GPR62: variants seen among roughly 807,000 people sequenced by gnomAD.
The protein encoded by GPR62 is G-protein coupled receptor GPCR8.
For synonymous variants in GPR62, 280 were observed against 286.9 expected, an observed-to-expected ratio of 0.98 and a Z score of 0.24; for missense variants, 513 against 541.5, an observed-to-expected ratio of 0.95 and a Z score of 0.52.
Position 51,955,554 on chromosome 3 carries a change from A to C in GPR62, c.-99A>C, listed in dbSNP as rs1699823288. On this transcript the variant is annotated 5_prime_UTR_variant, in exon 1 of 1. Transcript: ENST00000322241. Reference sequence around the variant, plus strand: ...AATGAGGTGAGGGGCCGGAGGAGCAAGGGACAAGAGGAGCAGAGGACAGGT... The same window carrying C: ...AATGAGGTGAGGGGCCGGAGGAGCACGGGACAAGAGGAGCAGAGGACAGGT... 3.7e-6 allele frequency: 4 copies of C among 1,069,008 alleles called. No individual in the cohort carries two copies. The South Asian group carries it at 5.2e-5, about 14-fold the overall frequency. 66.2% of individuals were successfully genotyped at this position (1,069,008 alleles called of 1,614,324 possible). A position where few individuals can be genotyped will look rare whatever the true frequency, so the allele number is the denominator to read the frequency against.
At position 51,956,046 on chromosome 3, in the gene GPR62, G is replaced by T; in HGVS notation, c.394G>T (p.Val132Leu). 1 of 1,432,202 alleles carries T rather than the reference G, an allele frequency of 7.0e-7. No homozygotes were observed. The highest frequency in any genetic ancestry group is 1.4e-5 in the South Asian group (1 of 73,650). 88.7% of individuals were successfully genotyped at this position (1,432,202 alleles called of 1,614,324 possible). ...RPGSRPPPVL[V>L]LTAVWAAAGL... ...AGGCTCGCGGCCGCCGCCTGTGCTC[G>T]TGCTCACCGCCGTGTGGGCCGCGGC... Residue 132 changes from valine (V) to leucine (L), a missense_variant, in exon 1 of 1, where the codon GTG (valine) becomes TTG (leucine). By Grantham distance (32) the Val-to-Leu change is conservative (BLOSUM62 1). Transcript: ENST00000322241.
At position 51,957,485 on chromosome 3, in the gene GPR62, CAG is replaced by C. The variant is rs1383326503; in HGVS notation, c.*727_*728del. ...GTCGCTGAGAATATTTATTCAAAAA[CAG>C]GGATTGAAAAAACTGTACAGAGTGT... On this transcript the variant is annotated 3_prime_UTR_variant, in exon 1 of 1. Transcript: ENST00000322241. 10 of 167,046 alleles carry C rather than the reference CAG, an allele frequency of 6.0e-5. No homozygotes were observed. In the Admixed American group the frequency reaches 6.5e-4, roughly 11 times the overall value. 10.3% of individuals were successfully genotyped at this position (167,046 alleles called of 1,614,324 possible).
rs1468200148 is a variant in GPR62, at chr3:51,956,278, C to G, written c.626C>G (p.Pro209Arg). Residue 209 changes from proline to arginine, a missense_variant, in exon 1 of 1, where the codon CCG becomes CGG. Physicochemically the swap from Pro to Arg is moderately radical, Grantham distance 103. Coordinates refer to ENST00000322241, the MANE Select transcript of GPR62 (RefSeq NM_080865.4). Reference protein sequence around the residue: ...ARRAALRPPRPARGSRLHSDS... With the variant: ...ARRAALRPPRRARGSRLHSDS... ...CGCGCTGCCCTGAGGCCCCCACGGC[C>G]GGCGCGCGGGTCCCGACTCCACTCG... is the stretch of plus-strand genomic sequence containing the variant. 2.6e-6 allele frequency: 4 copies of G among 1,564,476 alleles called. No individual in the cohort carries two copies. Among genetic ancestry groups the G allele is most frequent in the Non-Finnish European group, 3.4e-6 (4 of 1,166,708 alleles).
rs1699870665 is a variant in GPR62 at position 51,957,268 on chromosome 3, G to C, written c.*509G>C. 5.9e-6 allele frequency: 1 copy of C among 169,158 alleles called. No homozygotes were observed. The highest frequency in any genetic ancestry group is 1.4e-5 in the Non-Finnish European group (1 of 69,724). 10.5% of individuals were successfully genotyped at this position (169,158 alleles called of 1,614,324 possible). ...AAATGCCCAGAAGACAACTGGACCA[G>C]TTTGGTATTAGAAGTAGGAGGCTGG... On this transcript the variant is annotated 3_prime_UTR_variant, in exon 1 of 1. Transcript: ENST00000322241.
At position 51,955,507 on chromosome 3, in the gene GPR62, C is replaced by T. The variant is rs1699822672; in HGVS notation, c.-146C>T. On this transcript the variant is annotated 5_prime_UTR_variant, in exon 1 of 1. Transcript: ENST00000322241. ...CCCAAGAGGATGGCAGCCTGGGCGT[C>T]GGAGCCACCTCCTGGGCAGCCAATG... The T allele has an allele frequency of 1.0e-5, 7 of 679,660 alleles. No homozygotes were observed. Among genetic ancestry groups the T allele is most frequent in the Non-Finnish European group, 1.7e-5 (7 of 420,726 alleles). The allele number at this position is 679,660 out of a possible 1,614,324, so 42.1% of individuals were successfully genotyped here.
At position 51,955,502 on chromosome 3, in the gene GPR62, G is replaced by A. The variant is rs1309564293; in HGVS notation, c.-151G>A. 5 of 640,386 alleles carry A rather than the reference G, an allele frequency of 7.8e-6. No homozygotes were observed. The highest frequency in any genetic ancestry group is 1.3e-5 in the Non-Finnish European group (5 of 384,908). The allele number at this position is 640,386 out of a possible 1,614,324, so 39.7% of individuals were successfully genotyped here. Reference sequence around the variant, plus strand: ...AAGCCCCCAAGAGGATGGCAGCCTGGGCGTCGGAGCCACCTCCTGGGCAGC... The same window carrying A: ...AAGCCCCCAAGAGGATGGCAGCCTGAGCGTCGGAGCCACCTCCTGGGCAGC... On this transcript the variant is annotated 5_prime_UTR_variant, in exon 1 of 1. It introduces an in-frame stop codon into an upstream open reading frame of the 5' UTR. Coordinates refer to ENST00000322241, the MANE Select transcript of GPR62 (RefSeq NM_080865.4).
Position 51,955,938 on chromosome 3 carries a change from G to A in GPR62, c.286G>A (p.Ala96Thr). 7.2e-7 allele frequency: 1 copy of A among 1,395,272 alleles called. No individual in the cohort carries two copies. Among genetic ancestry groups the A allele is most frequent in the Non-Finnish European group, 9.3e-7 (1 of 1,072,956 alleles). The allele number at this position is 1,395,272 out of a possible 1,614,324, so 86.4% of individuals were successfully genotyped here. ...ATGCCGCGCCGCTCGCTTCCTCTCCGCCGCTCTGCTGCCGGCCTGCACGCT... is the reference window on the plus strand; with the variant it reads ...ATGCCGCGCCGCTCGCTTCCTCTCCACCGCTCTGCTGCCGGCCTGCACGCT... Reference protein sequence around the residue: ...APCRAARFLSAALLPACTLGV... With the variant: ...APCRAARFLSTALLPACTLGV... Residue 96 changes from alanine (A) to threonine (T), a missense_variant, in exon 1 of 1, where the codon GCC becomes ACC. Coordinates refer to ENST00000322241, the MANE Select transcript of GPR62 (RefSeq NM_080865.4).
Position 51,956,486 on chromosome 3 carries a change from C to T in GPR62, c.834C>T (p.Val278=), listed in dbSNP as rs565342512. 7.0e-6 allele frequency: 11 copies of T among 1,575,712 alleles called. No individual in the cohort carries two copies. Among genetic ancestry groups the T allele is most frequent in the Non-Finnish European group, 9.4e-6 (11 of 1,164,464 alleles). Reference sequence around the variant, plus strand: ...AAGCCGAAGCGGCTGTCACCTGGGTCGCCTACTCGGCCTTCGCGGCTCACC... The same window carrying T: ...AAGCCGAAGCGGCTGTCACCTGGGTTGCCTACTCGGCCTTCGCGGCTCACC... ...AAEAEAAVTW[V]AYSAFAAHPF... is the part of the protein sequence containing the mutation. The change falls in exon 1 of 1, where the codon GTC becomes GTT. Residue 278 remains valine (V), a synonymous_variant. Coordinates refer to ENST00000322241, the MANE Select transcript of GPR62 (RefSeq NM_080865.4).
chr3:51,955,399 G>A lies in GPR62; in HGVS notation c.-254G>A, dbSNP rs1559751017. 2 of 389,750 alleles carry A rather than the reference G, an allele frequency of 5.1e-6. No homozygotes were observed. The highest frequency in any genetic ancestry group is 4.6e-5 in the Admixed American group (1 of 21,510). 24.1% of individuals were successfully genotyped at this position (389,750 alleles called of 1,614,324 possible). ...GACAGCCAGTACCATCTCCGACAGGGGCTGAGTTGCTGGAGCTGGGCTGGG... is the reference window on the plus strand; with the variant it reads ...GACAGCCAGTACCATCTCCGACAGGAGCTGAGTTGCTGGAGCTGGGCTGGG... On this transcript the variant is annotated 5_prime_UTR_variant, in exon 1 of 1. Coordinates refer to ENST00000322241, the MANE Select transcript of GPR62 (RefSeq NM_080865.4).
Position 51,955,556 on chromosome 3 carries a change from G to T in GPR62, c.-97G>T. The T allele has an allele frequency of 2.7e-6, 3 of 1,095,318 alleles. No homozygotes were observed. Among genetic ancestry groups the T allele is most frequent in the South Asian group, 3.4e-5 (2 of 59,412 alleles). The allele number at this position is 1,095,318 out of a possible 1,614,324, so 67.8% of individuals were successfully genotyped here. On this transcript the variant is annotated 5_prime_UTR_variant, in exon 1 of 1. Transcript: ENST00000322241. ...TGAGGTGAGGGGCCGGAGGAGCAAG[G>T]GACAAGAGGAGCAGAGGACAGGTGA...
In GPR62 at chr3:51,955,522, G is replaced by A; in HGVS notation, c.-131G>A. The A allele has an allele frequency of 1.3e-6, 1 of 795,548 alleles. No individual in the cohort carries two copies. 49.3% of individuals were successfully genotyped at this position (795,548 alleles called of 1,614,324 possible). On this transcript the variant is annotated 5_prime_UTR_variant, in exon 1 of 1. Coordinates refer to ENST00000322241, the MANE Select transcript of GPR62 (RefSeq NM_080865.4). ...GCCTGGGCGTCGGAGCCACCTCCTG[G>A]GCAGCCAATGAGGTGAGGGGCCGGA...
rs1353980385 is a variant in GPR62 at position 51,956,453 on chromosome 3, G to A, written c.801G>A (p.Arg267=). The change falls in exon 1 of 1, where the codon CGG becomes CGA. Residue 267 remains arginine (R), a synonymous_variant. Coordinates refer to ENST00000322241, the MANE Select transcript of GPR62 (RefSeq NM_080865.4). ...YGCACLAPAA[R]AAEAEAAVTW... is the part of the protein sequence containing the mutation. ...GCGCGTGCCTGGCGCCCGCAGCGCGGGCCGCGGAAGCCGAAGCGGCTGTCA... is the reference window on the plus strand; with the variant it reads ...GCGCGTGCCTGGCGCCCGCAGCGCGAGCCGCGGAAGCCGAAGCGGCTGTCA... The A allele has an allele frequency of 3.9e-6, 6 of 1,534,296 alleles. No homozygotes were observed. Among genetic ancestry groups the A allele is most frequent in the East Asian group, 2.4e-5 (1 of 41,196 alleles).
Position 51,956,667 on chromosome 3 carries a change from G to A in GPR62, c.1015G>A (p.Val339Ile), listed in dbSNP as rs754464651. 1.9e-6 allele frequency: 3 copies of A among 1,613,084 alleles called. No homozygotes were observed. The highest frequency in any genetic ancestry group is 2.2e-5 in the East Asian group (1 of 44,882). Residue 339 changes from valine to isoleucine, a missense_variant, in exon 1 of 1, where the codon GTA (valine) becomes ATA (isoleucine). Coordinates refer to ENST00000322241, the MANE Select transcript of GPR62 (RefSeq NM_080865.4). The stretch of plus-strand genomic sequence containing the variant: ...CCAGAGACCCCCAGAGGGCCCTGCC[G>A]TAGGCCCTTCTGAGGCTCCAGAACA... ...CLQRPPEGPA[V>I]GPSEAPEQTP...
chr3:51,955,558 A>C lies in GPR62; in HGVS notation c.-95A>C. On this transcript the variant is annotated 5_prime_UTR_variant, in exon 1 of 1. Coordinates refer to ENST00000322241, the MANE Select transcript of GPR62 (RefSeq NM_080865.4). ...AGGTGAGGGGCCGGAGGAGCAAGGG[A>C]CAAGAGGAGCAGAGGACAGGTGATG... 9.1e-7 allele frequency: 1 copy of C among 1,103,752 alleles called. No homozygotes were observed. The highest frequency in any genetic ancestry group is 1.3e-6 in the Non-Finnish European group (1 of 790,202). 68.4% of individuals were successfully genotyped at this position (1,103,752 alleles called of 1,614,324 possible). A position where few individuals can be genotyped will look rare whatever the true frequency, so the allele number is the denominator to read the frequency against.
At position 51,955,549 on chromosome 3, in the gene GPR62, G is replaced by A; in HGVS notation, c.-104G>A. On this transcript the variant is annotated 5_prime_UTR_variant, in exon 1 of 1. Transcript: ENST00000322241. ...CAGCCAATGAGGTGAGGGGCCGGAG[G>A]AGCAAGGGACAAGAGGAGCAGAGGA... 2.9e-6 allele frequency: 3 copies of A among 1,030,602 alleles called. No individual in the cohort carries two copies. The South Asian group carries it at 5.3e-5, about 18-fold the overall frequency. The allele number at this position is 1,030,602 out of a possible 1,614,324, so 63.8% of individuals were successfully genotyped here.
Position 51,956,074 on chromosome 3 carries a change from G to T in GPR62, c.422G>T (p.Gly141Val). The T allele has an allele frequency of 7.0e-7, 1 of 1,424,648 alleles. No individual in the cohort carries two copies. Among genetic ancestry groups the T allele is most frequent in the Middle Eastern group, 2.5e-4 (1 of 3,998 alleles). 88.3% of individuals were successfully genotyped at this position (1,424,648 alleles called of 1,614,324 possible). The part of the protein sequence containing the change: ...LVLTAVWAAA[G>V]LLGALSLLGT... ...CTCACCGCCGTGTGGGCCGCGGCGG[G>T]ACTGCTGGGCGCGCTCTCCCTGCTC... Residue 141 changes from glycine (G) to valine (V), a missense_variant, in exon 1 of 1, where the codon GGA becomes GTA. Gly to Val is a moderately radical substitution (Grantham distance 109, BLOSUM62 -3). Coordinates refer to ENST00000322241, the MANE Select transcript of GPR62 (RefSeq NM_080865.4).
chr3:51,956,198 G>A lies in GPR62; in HGVS notation c.546G>A (p.Ala182=). The A allele has an allele frequency of 6.6e-7, 1 of 1,509,666 alleles. No individual in the cohort carries two copies. The highest frequency in any genetic ancestry group is 2.2e-5 in the Admixed American group (1 of 46,410). The allele number at this position is 1,509,666 out of a possible 1,614,324, so 93.5% of individuals were successfully genotyped here. The part of the protein sequence containing the change: ...FRPLWALLAF[A]LPALLLLGAY... ...CGCTCTGGGCCCTGCTGGCCTTCGC[G>A]CTGCCCGCCCTCCTGCTGCTCGGCG... Residue 182 remains alanine (A), a synonymous_variant, in exon 1 of 1, where the codon GCG becomes GCA. Transcript: ENST00000322241.
Position 51,956,830 on chromosome 3 carries a change from T to C in GPR62, c.*71T>C, listed in dbSNP as rs1169273083. ...GCACAGGTCACAGCAGGTGCCCTGC[T>C]GGATATCTGGGTCTGGAACAGGAGG... On this transcript the variant is annotated 3_prime_UTR_variant, in exon 1 of 1. Transcript: ENST00000322241. 2.7e-6 allele frequency: 4 copies of C among 1,493,784 alleles called. No homozygotes were observed. The highest frequency in any genetic ancestry group is 3.6e-6 in the Non-Finnish European group (4 of 1,121,454). 92.5% of individuals were successfully genotyped at this position (1,493,784 alleles called of 1,614,324 possible). A position where few individuals can be genotyped will look rare whatever the true frequency, so the allele number is the denominator to read the frequency against.
At position 51,956,470 on chromosome 3, in the gene GPR62, C is replaced by G; in HGVS notation, c.818C>G (p.Ala273Gly). 1 of 1,556,150 alleles carries G rather than the reference C, an allele frequency of 6.4e-7. No individual in the cohort carries two copies. Among genetic ancestry groups the G allele is most frequent in the South Asian group, 1.2e-5 (1 of 85,750 alleles). Residue 273 changes from alanine (A) to glycine (G), a missense_variant, in exon 1 of 1, where the codon GCG (alanine) becomes GGG (glycine). By Grantham distance (60) the Ala-to-Gly change is moderately conservative (BLOSUM62 0). Transcript: ENST00000322241. ...GCAGCGCGGGCCGCGGAAGCCGAAG[C>G]GGCTGTCACCTGGGTCGCCTACTCG... Reference protein sequence around the residue: ...APAARAAEAEAAVTWVAYSAF... With the variant: ...APAARAAEAEGAVTWVAYSAF...
Sources: gnomAD v4.1 joint callset for allele counts on GRCh38, gnomAD v4.1.1 for gene constraint, MANE v1.5 for transcripts, NCBI Gene and HGNC (gene_info 2026-07-23, HGNC 2026-07-21) for gene names.